Variants in PRKG2 observed in about 807,000 individuals in gnomAD.
PRKG2 encodes the protein protein kinase cGMP-dependent 2.
A neutral mutation model predicts 97.2 loss-of-function variants in PRKG2; 33 were observed. The ratio of observed to expected loss-of-function variants is 0.34; its 90% CI spans 0.26 to 0.45. The LOEUF (loss-of-function observed/expected upper bound fraction) is 0.45. Ranked by LOEUF, PRKG2 falls within the 20% of genes least tolerant of loss-of-function variation. The pLI, the probability that PRKG2 is intolerant of heterozygous loss-of-function variation, is 1.00. For synonymous variants in PRKG2, 330 were observed against 321.8 expected, an observed-to-expected ratio of 1.03 and a Z score of -0.27; for missense variants, 638 against 900.0, an observed-to-expected ratio of 0.71 and a Z score of 3.73.
intron 6 of PRKG2, among the ~76,000 whole-genome samples, chr4:81,155,428 G>A (rs1321027730): frequency 2.0e-5 from 3 of 152,150 alleles, no homozygotes; most frequent in Non-Finnish European, 1.5e-5. Context: ...ATGGGACTAT[G>A]TGAAAAGACC....
rs960177208 is a variant in PRKG2, at chr4:81,153,477, C to T, written c.990+167G>A. 9.1e-6 allele frequency: 5 copies of T among 549,520 alleles called. No homozygotes were observed. The South Asian group carries it at 9.8e-5, about 11-fold the overall frequency. 34.0% of individuals were successfully genotyped at this position (549,520 alleles called of 1,614,324 possible). On this transcript the variant is annotated intron_variant, in intron 7 of 18. Coordinates refer to ENST00000264399, the MANE Select transcript of PRKG2 (RefSeq NM_006259.3). Reference sequence around the variant, plus strand: ...ATTTCTTAGGGGGTCCTGTGGCCTCCACTCCAAAGCCAGTGTTCAAACAGA... The same window carrying T: ...ATTTCTTAGGGGGTCCTGTGGCCTCTACTCCAAAGCCAGTGTTCAAACAGA...
intron 6 of PRKG2, chr4:81,154,083 C>T (rs371410800): frequency 2.2e-5 from 4 of 179,978 alleles, no homozygotes; most frequent in Non-Finnish European, 3.5e-5. Flanking sequence ...CGGCGCACCA[C>T]GAGATTATAT....
At chr4:81,203,844 C>T (rs1753472589) in intron 2 of PRKG2, among the ~76,000 whole-genome samples, 1 of 152,186 alleles carries the variant, frequency 6.6e-6, no homozygotes, top group African/African-American at 2.4e-5. Flanking sequence ...CTGAAATCCT[C>T]TTCCTGCCTG....
intron 2 of PRKG2, among the ~76,000 whole-genome samples, chr4:81,190,009 A>C (rs140264849): frequency 0.022 from 3,292 of 152,334 alleles, 57 homozygotes; most frequent in Middle Eastern, 0.082. Context: ...TGCCCAAAGT[A>C]ATTTATAGAT....
At chr4:81,192,102 C>T (rs964283556) in intron 2 of PRKG2, 1 of 152,100 alleles carries the variant, frequency 6.6e-6, no homozygotes, top group Admixed American at 6.6e-5. Flanking sequence ...TGTATATAGT[C>T]ATACAGGAAA....
chr4:81,207,538 A>G (rs1267939898), intron 1 of PRKG2, among the ~76,000 whole-genome samples: 2 of 152,210 alleles, frequency 1.3e-5, no homozygotes, highest in Non-Finnish European at 2.9e-5. Context: ...AGCATTACAA[A>G]TATGAAAAGG....
intron 1 of PRKG2, among the ~76,000 whole-genome samples, chr4:81,211,815 C>T (rs993966929): frequency 3.3e-5 from 5 of 152,082 alleles, no homozygotes; most frequent in Non-Finnish European, 4.4e-5. Flanking sequence ...CTATATGTAA[C>T]ACTGCAATGT....
chr4:81,171,270 T>C (rs1416890248), intron 4 of PRKG2, among the ~76,000 whole-genome samples: 1 of 152,028 alleles, frequency 6.6e-6, no homozygotes, highest in Admixed American at 6.6e-5. Context: ...AGTGTTTGCT[T>C]TTCTGTTCCT....
At chr4:81,112,613 A>G (rs1322597648) in intron 14 of PRKG2, among the ~76,000 whole-genome samples, 1 of 152,180 alleles carries the variant, frequency 6.6e-6, no homozygotes, top group Admixed American at 6.6e-5. Context: ...ATATTTGCAT[A>G]TTGGCCTAAA....
rs1478206863 is a variant in PRKG2, at chr4:81,089,534, C to T, written c.*174G>A. ...TAATTCACAGCATCTAAATAAGACACTATAACTCAGAACCATATCCACACC... is the reference window on the plus strand; with the variant it reads ...TAATTCACAGCATCTAAATAAGACATTATAACTCAGAACCATATCCACACC... On this transcript the variant is annotated 3_prime_UTR_variant, in exon 19 of 19. Coordinates refer to ENST00000264399, the MANE Select transcript of PRKG2 (RefSeq NM_006259.3). The T allele has an allele frequency of 1.8e-5, 9 of 513,592 alleles. No individual in the cohort carries two copies. The Admixed American group carries it at 2.5e-4, about 14-fold the overall frequency. 31.8% of individuals were successfully genotyped at this position (513,592 alleles called of 1,614,324 possible).
In PRKG2 at chr4:81,088,505, G is replaced by A. The variant is rs1560523709; in HGVS notation, c.*1203C>T. ...AACCATTCACCAGTGAAGTTCTTAGGTACTAGGTCCCATGCTATTGAAACT... is the reference window on the plus strand; with the variant it reads ...AACCATTCACCAGTGAAGTTCTTAGATACTAGGTCCCATGCTATTGAAACT... On this transcript the variant is annotated 3_prime_UTR_variant, in exon 19 of 19. Coordinates refer to ENST00000264399, the MANE Select transcript of PRKG2 (RefSeq NM_006259.3). The A allele has an allele frequency of 1.3e-5, 2 of 152,104 alleles. No individual in the cohort carries two copies. The highest frequency in any genetic ancestry group is 4.8e-5 in the African/African-American group (2 of 41,426). 9.4% of individuals were successfully genotyped at this position (152,104 alleles called of 1,614,324 possible).
chr4:81,151,248 G>T (rs748683234), intron 8 of PRKG2, among the ~76,000 whole-genome samples: 44 of 152,104 alleles, frequency 2.9e-4, no homozygotes, highest in Non-Finnish European at 5.6e-4. Flanking sequence ...GTATTAACTT[G>T]AAAACATAGA....
At chr4:81,174,575 A>G (rs1750759850) in intron 3 of PRKG2, among the ~76,000 whole-genome samples, 1 of 152,032 alleles carries the variant, frequency 6.6e-6, no homozygotes, top group South Asian at 2.1e-4. Context: ...GCTCAATAGG[A>G]TGCCTGATAT....
At chr4:81,097,585 A>G (rs1030503522) in intron 17 of PRKG2, among the ~76,000 whole-genome samples, 1 of 152,178 alleles carries the variant, frequency 6.6e-6, no homozygotes, top group Admixed American at 6.6e-5. Flanking sequence ...AAAATCCTAG[A>G]CAGTATCTTC....
chr4:81,101,159 G>T (rs957948892), intron 17 of PRKG2, among the ~76,000 whole-genome samples: 1 of 151,828 alleles, frequency 6.6e-6, no homozygotes, highest in East Asian at 1.9e-4. Flanking sequence ...TCAGTGTGGT[G>T]ATTCCTCAGG....
intron 2 of PRKG2, among the ~76,000 whole-genome samples, chr4:81,189,752 A>G (rs1032307536): frequency 7.3e-6 from 1 of 136,084 alleles, no homozygotes; most frequent in East Asian, 2.2e-4. Context: ...CCTAAAACTT[A>G]AAGTATAATA....
At chr4:81,163,863 TACACACACACACAC>T (rs5859761) in intron 6 of PRKG2, among the ~76,000 whole-genome samples, 1,587 of 144,750 alleles carry the variant, frequency 0.011, 21 homozygotes, top group Middle Eastern at 0.042. Flanking sequence ...AGATGTATAG[TACACACACACACAC>T]ACACACACAC....
chr4:81,131,654 A>ATTAATTT (rs1424917260), intron 14 of PRKG2, among the ~76,000 whole-genome samples: 50 of 152,308 alleles, frequency 3.3e-4, no homozygotes, highest in African/African-American at 1.1e-3. Context: ...TTCATCTAGA[A>ATTAATTT]TTAATTTTTG....
Position 81,180,252 on chromosome 4 carries a change from A to T in PRKG2, c.462-5293T>A, listed in dbSNP as rs114199025. Among the ~76,000 whole-genome samples, 667 of 152,302 alleles carry T rather than the reference A, an allele frequency of 4.4e-3. 6 individuals are homozygous for T. Among genetic ancestry groups the T allele is most frequent in the African/African-American group, 0.015 (628 of 41,580 alleles). On this transcript the variant is annotated intron_variant, in intron 2 of 18. Transcript: ENST00000264399. ...CATGGCAAACAAAAAGAGAAATTGAATAATATTAGATATTAGATTTAAGCC... is the reference window on the plus strand; with the variant it reads ...CATGGCAAACAAAAAGAGAAATTGATTAATATTAGATATTAGATTTAAGCC...
Sources: gnomAD v4.1 joint callset for allele counts (sites outside exome capture counted in the v4.1 genomes callset) on GRCh38, gnomAD v4.1.1 for gene constraint, MANE v1.5 for transcripts, NCBI Gene and HGNC (gene_info 2026-07-23, HGNC 2026-07-21) for gene names.